The following MAP3K21 variants were observed in gnomAD, a reference collection of about 807,000 sequenced individuals.
The protein encoded by MAP3K21 is mitogen-activated protein kinase kinase kinase 21.
Under a neutral mutation model 86.1 loss-of-function variants are expected in MAP3K21, and 63 were observed. The ratio of observed to expected loss-of-function variants is 0.73; its 90% CI spans 0.60 to 0.90. The LOEUF (loss-of-function observed/expected upper bound fraction) is 0.90, where lower values mean the gene tolerates loss of function less well. MAP3K21 is among the 40% of genes least tolerant of loss of function. The pLI is 0.00. For synonymous variants in MAP3K21, 558 were observed against 564.8 expected (o/e 0.99, Z 0.17); for missense variants, 1,220 against 1,367.7 (o/e 0.89, Z 1.70).
intron 4 of MAP3K21, 136 bp downstream of exon 4, chr1:233,355,147 G>A (rs1663328627): frequency 1.5e-6 from 1 of 664,330 alleles, no homozygotes; most frequent in African/African-American, 1.8e-5. Flanking sequence ...CTTCTTTCAG[G>A]TTAAAAATAA....
intron 4 of MAP3K21, among the ~76,000 whole-genome samples, chr1:233,359,442 T>C (rs1293270256): frequency 6.6e-6 from 1 of 152,248 alleles, no homozygotes; most frequent in Non-Finnish European, 1.5e-5. Flanking sequence ...CTGCATCTTT[T>C]TTGATGAAGT....
rs765693174 is a variant in MAP3K21, at chr1:233,328,206, C to T, written c.178C>T (p.Arg60Trp). The T allele has an allele frequency of 1.3e-6, 2 of 1,487,344 alleles. No homozygotes were observed. Among genetic ancestry groups the T allele is most frequent in the South Asian group, 1.3e-5 (1 of 79,212 alleles). The allele number at this position is 1,487,344 out of a possible 1,614,324, so 92.1% of individuals were successfully genotyped here. A position where few individuals can be genotyped will look rare whatever the true frequency, so the allele number is the denominator to read the frequency against. The change falls in exon 1 of 10, where the codon CGG (arginine) becomes TGG (tryptophan). Residue 60 changes from arginine (R) to tryptophan (W), a missense_variant. Physicochemically the swap from Arg to Trp is moderately radical, Grantham distance 101. Transcript: ENST00000366624. The surrounding 1 kb of genome is among the most constrained non-coding windows in gnomAD (Gnocchi z 8.7). Reference sequence around the variant, plus strand: ...TCGCGGCGAGGACGAGCTGAGCCTGCGGCGCGGCCAGCTGGTGGAGGTGCT... The same window carrying T: ...TCGCGGCGAGGACGAGCTGAGCCTGTGGCGCGGCCAGCTGGTGGAGGTGCT... ...EARGEDELSL[R>W]RGQLVEVLSQ... is the part of the protein sequence containing the mutation.
rs1663801190 is a variant in MAP3K21 at position 233,376,509 on chromosome 1, T to C, written c.1906T>C (p.Leu636=). ...TCAGAAAACCATGCCCTTGGCTTCATTGTTTGTGGACCAGCCAGGTAAATG... is the reference window on the plus strand; with the variant it reads ...TCAGAAAACCATGCCCTTGGCTTCACTGTTTGTGGACCAGCCAGGTAAATG... ...KNQKTMPLAS[L]FVDQPGSCEE... The change falls in exon 8 of 10, where the codon TTG becomes CTG. Residue 636 remains leucine (L), a synonymous_variant. Coordinates refer to ENST00000366624, the MANE Select transcript of MAP3K21 (RefSeq NM_032435.3). The C allele has an allele frequency of 1.2e-6, 2 of 1,612,846 alleles. No individual in the cohort carries two copies. Among genetic ancestry groups the C allele is most frequent in the Admixed American group, 3.3e-5 (2 of 59,912 alleles).
chr1:233,379,628 T>A lies in MAP3K21; in HGVS notation c.2622T>A (p.Cys874Ter). ...CGTCTTCCTTCCTACAGCAGACATG[T>A]GGGAATGTACCTTACTGTGCTTCTT... ...NLPSSFLQQT[C>*]GNVPYCASSK... The change falls in exon 9 of 10, where the codon TGT (cysteine) becomes TGA (stop). Residue 874 changes from cysteine to a stop codon, truncating the protein, a stop_gained. Transcript: ENST00000366624. LOFTEE classifies it high-confidence loss of function. 1 of 1,614,126 alleles carries A rather than the reference T, an allele frequency of 6.2e-7. No homozygotes were observed. The highest frequency in any genetic ancestry group is 1.1e-5 in the South Asian group (1 of 91,084).
chr1:233,351,505 A>G (rs1243603136), intron 2 of MAP3K21, among the ~76,000 whole-genome samples: 1 of 152,148 alleles, frequency 6.6e-6, no homozygotes, highest in Non-Finnish European at 1.5e-5. Context: ...AGCATGGCCA[A>G]TATGGTGAAA....
chr1:233,365,945 G>A (rs1663566056), intron 5 of MAP3K21, among the ~76,000 whole-genome samples: 1 of 152,188 alleles, frequency 6.6e-6, no homozygotes, highest in Admixed American at 6.5e-5. Context: ...CAATCTAAGT[G>A]TCCATCAATG....
chr1:233,354,695 T>A (rs1663314952), intron 3 of MAP3K21, 141 bp from the exon 4 acceptor site: 3 of 690,832 alleles, frequency 4.3e-6, no homozygotes, highest in Non-Finnish European at 7.5e-6. Flanking sequence ...TCTTAAAATC[T>A]TCAGGAGCAG....
chr1:233,368,751 G>C (rs956237184), intron 5 of MAP3K21, among the ~76,000 whole-genome samples: 1 of 152,020 alleles, frequency 6.6e-6, no homozygotes, highest in South Asian at 2.1e-4. Context: ...CCAGCCTGCT[G>C]TGTATTCCTC....
chr1:233,376,520 C>T lies in MAP3K21; in HGVS notation c.1917C>T (p.Asp639=). Residue 639 remains aspartate, a synonymous_variant, in exon 8 of 10, where the codon GAC becomes GAT. Coordinates refer to ENST00000366624, the MANE Select transcript of MAP3K21 (RefSeq NM_032435.3). ...KTMPLASLFV[D]QPGSCEEPKL... The stretch of plus-strand genomic sequence containing the variant: ...TGCCCTTGGCTTCATTGTTTGTGGA[C>T]CAGCCAGGTAAATGTGTTTCAGGAG... 6.2e-7 allele frequency: 1 copy of T among 1,609,804 alleles called. No individual in the cohort carries two copies. Among genetic ancestry groups the T allele is most frequent in the Non-Finnish European group, 8.5e-7 (1 of 1,176,486 alleles).
intron 1 of MAP3K21, among the ~76,000 whole-genome samples, chr1:233,341,978 T>TG (rs1663046105): frequency 6.6e-6 from 1 of 151,748 alleles, no homozygotes; most frequent in Non-Finnish European, 1.5e-5. Context: ...ATGCAGCTGA[T>TG]GAAAAAAAAA....
At chr1:233,357,768 A>G (rs188603098) in intron 4 of MAP3K21, among the ~76,000 whole-genome samples, 189 of 152,306 alleles carry the variant, frequency 1.2e-3, no homozygotes, top group Non-Finnish European at 5.6e-4. Context: ...GAGGACTTTC[A>G]AGTAGGGAGA....
intron 4 of MAP3K21, among the ~76,000 whole-genome samples, chr1:233,360,893 A>G (rs921511477): frequency 3.3e-5 from 5 of 152,236 alleles, no homozygotes; most frequent in African/African-American, 7.2e-5. Flanking sequence ...CACAGTACTC[A>G]TAGCTCTCAA....
In MAP3K21 at chr1:233,382,471, T is replaced by A; in HGVS notation, c.2871T>A (p.Pro957=). 6.2e-7 allele frequency: 1 copy of A among 1,614,172 alleles called. No homozygotes were observed. ...CCCTGAGAAGCCGCTCAGATCTGCCTCAGGCTTACCCACAGACAGCAGTGT... is the reference window on the plus strand; with the variant it reads ...CCCTGAGAAGCCGCTCAGATCTGCCACAGGCTTACCCACAGACAGCAGTGT... ...PASLRSRSDL[P]QAYPQTAVSQ... The change falls in exon 10 of 10, where the codon CCT becomes CCA. Residue 957 remains proline (P), a synonymous_variant. Coordinates refer to ENST00000366624, the MANE Select transcript of MAP3K21 (RefSeq NM_032435.3).
In MAP3K21 at chr1:233,328,899, A is replaced by G. The variant is rs1662761288; in HGVS notation, c.805+66A>G. On this transcript the variant is annotated intron_variant, in intron 1 of 9. Coordinates refer to ENST00000366624, the MANE Select transcript of MAP3K21 (RefSeq NM_032435.3). The surrounding 1 kb of genome is among the most constrained non-coding windows in gnomAD (Gnocchi z 8.7). ...TGCCAGCCCAGGCGGGCTCCACAGG[A>G]CATAGTACCAGATGGAAAGAGGTGG... The G allele has an allele frequency of 7.6e-7, 1 of 1,318,012 alleles. No individual in the cohort carries two copies. Among genetic ancestry groups the G allele is most frequent in the African/African-American group, 1.5e-5 (1 of 65,500 alleles). The allele number at this position is 1,318,012 out of a possible 1,614,324, so 81.6% of individuals were successfully genotyped here. A position where few individuals can be genotyped will look rare whatever the true frequency, so the allele number is the denominator to read the frequency against.
At chr1:233,355,486 T>A (rs1663334245) in intron 4 of MAP3K21, among the ~76,000 whole-genome samples, 1 of 152,216 alleles carries the variant, frequency 6.6e-6, no homozygotes, top group East Asian at 1.9e-4. Context: ...TCTTACTACA[T>A]GCTGGGACAG....
rs1394854529 is a variant in MAP3K21 at position 233,328,544 on chromosome 1, T to G, written c.516T>G (p.Ala172=). 1.3e-6 allele frequency: 2 copies of G among 1,533,066 alleles called. No individual in the cohort carries two copies. The highest frequency in any genetic ancestry group is 3.9e-5 in the Admixed American group (2 of 51,790). The allele number at this position is 1,533,066 out of a possible 1,614,324, so 95.0% of individuals were successfully genotyped here. Residue 172 remains alanine, a synonymous_variant, in exon 1 of 10, where the codon GCT becomes GCG. Transcript: ENST00000366624. The surrounding 1 kb of genome is among the most constrained non-coding windows in gnomAD (Gnocchi z 8.7). ...AAAAESVRRE[A]RLFAMLRHPN... ...CTGCCGAGAGCGTGCGGCGCGAGGC[T>G]CGGCTCTTCGCCATGCTGCGGCACC... is the stretch of plus-strand genomic sequence containing the variant.
intron 1 of MAP3K21, among the ~76,000 whole-genome samples, chr1:233,332,885 A>G (rs1008586023): frequency 6.6e-6 from 1 of 152,092 alleles, no homozygotes; most frequent in Non-Finnish European, 1.5e-5. Flanking sequence ...GAACTGAGCC[A>G]CAAATTATGG....
chr1:233,336,620 T>A (rs772767477), intron 1 of MAP3K21, among the ~76,000 whole-genome samples: 1 of 152,214 alleles, frequency 6.6e-6, no homozygotes, highest in South Asian at 2.1e-4. Flanking sequence ...ATTTCACTTA[T>A]AATCCCACTG....
chr1:233,353,717 T>G (rs1663293747), intron 2 of MAP3K21, 90 bp from the exon 3 acceptor site: 1 of 1,222,956 alleles, frequency 8.2e-7, no homozygotes. Context: ...TAGGAATGGA[T>G]GAAGGTACTG....
Sources: gnomAD v4.1 joint callset for allele counts (sites outside exome capture counted in the v4.1 genomes callset) on GRCh38, gnomAD v4.1.1 for gene constraint, Gnocchi (gnomAD v3.1) non-coding constraint, MANE v1.5 for transcripts, NCBI Gene and HGNC (gene_info 2026-07-23, HGNC 2026-07-21) for gene names.